NEBL: variants seen among roughly 807,000 people sequenced by gnomAD.
NEBL encodes the protein nebulette.
In NEBL, 122 loss-of-function variants were observed where a neutral mutation model predicts 140.2. The ratio of observed to expected loss-of-function variants is 0.87; its 90% CI spans 0.75 to 1.01. The LOEUF (loss-of-function observed/expected upper bound fraction) is 1.01, where lower values mean the gene tolerates loss of function less well. Among genes scored for constraint, NEBL ranks in the 50% least tolerant of loss-of-function variants. NEBL has a pLI of 0.00. For synonymous variants in NEBL, 436 were observed against 398.9 expected (o/e 1.09, Z -1.11); for missense variants, 1,365 against 1,231.3 (o/e 1.11, Z -1.62).
intron 5 of NEBL, among the ~76,000 whole-genome samples, chr10:20,872,505 A>T (rs1845050663): frequency 6.6e-6 from 1 of 152,100 alleles, no homozygotes; most frequent in Admixed American, 6.6e-5. Context: ...TCTCACACAG[A>T]TTCCTACACG....
intron 3 of NEBL, among the ~76,000 whole-genome samples, chr10:21,198,116 C>T (rs1217337014): frequency 1.3e-5 from 2 of 152,118 alleles, no homozygotes; most frequent in Admixed American, 6.5e-5. Context: ...TAGCATCATA[C>T]CTTACAGTGA....
intron 1 of NEBL, among the ~76,000 whole-genome samples, chr10:21,263,326 G>A (rs928493769): frequency 7.2e-5 from 11 of 152,028 alleles, no homozygotes; most frequent in South Asian, 2.1e-4. Flanking sequence ...AGAAGATGGC[G>A]GACTAGTGTC....
At chr10:21,104,860 T>G (rs1235839471) in intron 2 of NEBL, among the ~76,000 whole-genome samples, 2 of 152,088 alleles carry the variant, frequency 1.3e-5, no homozygotes, top group African/African-American at 4.8e-5. Flanking sequence ...AGCTTTACAT[T>G]TTTTGTAGAT....
chr10:20,987,850 C>T (rs369363729), intron 3 of NEBL, among the ~76,000 whole-genome samples: 1 of 152,164 alleles, frequency 6.6e-6, no homozygotes, highest in Non-Finnish European at 1.5e-5. Flanking sequence ...AATCCTCTGA[C>T]ATCACTAGGA....
chr10:21,172,371 G>C, intron 2 of NEBL: 1 of 1,600,104 alleles, frequency 6.2e-7, no homozygotes, highest in Non-Finnish European at 8.6e-7. Flanking sequence ...ACAGCGTGTT[G>C]ACAATACTTA....
intron 3 of NEBL, among the ~76,000 whole-genome samples, chr10:20,889,373 G>C (rs1359243861): frequency 6.6e-6 from 1 of 152,110 alleles, no homozygotes; most frequent in Non-Finnish European, 1.5e-5. Flanking sequence ...CTGTTGAACT[G>C]AACTTTATCC....
rs73607573 is a variant in NEBL at position 21,022,253 on chromosome 10, C to G, written c.165-2052G>C. On this transcript the variant is annotated intron_variant, in intron 2 of 6. Transcript: ENST00000417816. ...TAGCCCCTCTCCTTTCTGGTATCCA[C>G]GTGTGTCTCTTCCTGTGGCTTCTCT... Among the ~76,000 whole-genome samples the G allele has an allele frequency of 8.0e-3, 1,219 of 152,238 alleles. 23 individuals are homozygous for G. The highest frequency in any genetic ancestry group is 0.028 in the African/African-American group (1,166 of 41,544).
upstream of NEBL, among the ~76,000 whole-genome samples, chr10:20,899,906 T>C (rs1048803679): frequency 3.9e-5 from 6 of 152,196 alleles, no homozygotes; most frequent in African/African-American, 1.4e-4. Flanking sequence ...ATACATCTTT[T>C]TTCCTCTCAC....
At chr10:20,847,785 G>C (rs1002415943) in intron 11 of NEBL, among the ~76,000 whole-genome samples, 2 of 152,086 alleles carry the variant, frequency 1.3e-5, no homozygotes, top group East Asian at 1.9e-4. Flanking sequence ...ACCCATTTCC[G>C]TTTTGCCTCA....
intron 3 of NEBL, among the ~76,000 whole-genome samples, chr10:21,203,885 T>TA (rs1248919454): frequency 1.3e-5 from 2 of 152,262 alleles, no homozygotes; most frequent in East Asian, 3.9e-4. Context: ...TGCCCACCCC[T>TA]ACCAGACCTG....
chr10:21,288,819 T>TATATATATATATA, intron 1 of NEBL, among the ~76,000 whole-genome samples: 1 of 9,556 alleles, frequency 1.0e-4, no homozygotes. Context: ...CGTGTGTGTG[T>TATATATATATATA]GTATATATAT....
At position 20,828,629 on chromosome 10, in the gene NEBL, C is replaced by A. The variant is rs1013844942; in HGVS notation, c.1677G>T (p.Lys559Asn). Residue 559 changes from lysine (K) to asparagine (N), a missense_variant, in exon 17 of 28, where the codon AAG becomes AAT. Physicochemically the swap from Lys to Asn is moderately conservative, Grantham distance 94. This residue lies in a region of NEBL where 1,323 missense variants were observed against 1,154.8 expected (regional missense o/e 1.15). Coordinates refer to ENST00000377122, the MANE Select transcript of NEBL (RefSeq NM_006393.3). ...GCATCTTCTCTGCTTCATCTTTATA[C>A]TTTCTCTAAAAACATAAACAGTTAA... The part of the protein sequence containing the change: ...KRTSEIYSQR[K>N]YKDEAEKMLS... 1.3e-6 allele frequency: 2 copies of A among 1,554,360 alleles called. No homozygotes were observed. The highest frequency in any genetic ancestry group is 1.8e-6 in the Non-Finnish European group (2 of 1,126,928).
intron 7 of NEBL, among the ~76,000 whole-genome samples, chr10:20,861,875 C>T (rs985513419): frequency 6.6e-6 from 1 of 152,102 alleles, no homozygotes; most frequent in Non-Finnish European, 1.5e-5. Context: ...GTAAACCCAC[C>T]GTAAGTTAAA....
chr10:21,274,787 T>A (rs977196507), intron 1 of NEBL, among the ~76,000 whole-genome samples: 1 of 152,050 alleles, frequency 6.6e-6, no homozygotes, highest in African/African-American at 2.4e-5. Flanking sequence ...TTAAGAATCA[T>A]AAGGAAAAAA....
intron 3 of NEBL, among the ~76,000 whole-genome samples, chr10:21,246,359 GTATTAACCTTAGAAAAGGA>G (rs1842516719): frequency 6.6e-6 from 1 of 152,212 alleles, no homozygotes; most frequent in African/African-American, 2.4e-5. Context: ...CCACTGCTGG[GTATTAACCTTAGAAAAGGA>G]AAATGTTACG....
intron 3 of NEBL, among the ~76,000 whole-genome samples, chr10:21,237,111 T>A (rs1588548836): frequency 6.6e-6 from 1 of 152,254 alleles, no homozygotes; most frequent in East Asian, 1.9e-4. Context: ...GCATCTTAAA[T>A]AACCTCCTCC....
intron 3 of NEBL, among the ~76,000 whole-genome samples, chr10:21,010,672 T>C (rs1296870325): frequency 3.3e-5 from 5 of 152,294 alleles, no homozygotes; most frequent in South Asian, 4.1e-4. Flanking sequence ...TATACAAATA[T>C]ATAGAGTTAC....
At chr10:21,044,397 TAAAAA>T (rs57176129) in intron 2 of NEBL, among the ~76,000 whole-genome samples, 5 of 34,870 alleles carry the variant, frequency 1.4e-4, no homozygotes, top group African/African-American at 4.1e-4. Flanking sequence ...AGAGTAAGAA[TAAAAA>T]AAAAAAAAAA....
At chr10:21,282,421 T>C (rs1843004546) in intron 1 of NEBL, among the ~76,000 whole-genome samples, 1 of 151,844 alleles carries the variant, frequency 6.6e-6, no homozygotes, top group Admixed American at 6.6e-5. Context: ...ACGGCTACCA[T>C]AGTGTCAGGG....
Sources: allele counts gnomAD v4.1 joint callset (sites outside exome capture counted in the v4.1 genomes callset), GRCh38; gene constraint gnomAD v4.1.1; regional missense constraint gnomAD v4.1.1; transcripts MANE v1.5; gene names NCBI Gene and HGNC (gene_info 2026-07-23, HGNC 2026-07-21).